DNAH10: variants seen among roughly 807,000 people sequenced by gnomAD.
The protein encoded by DNAH10 is axonemal beta dynein heavy chain 10.
DNAH10 carries 348 observed loss-of-function variants against 506.6 expected under a neutral mutation model. The ratio of observed to expected loss-of-function variants is 0.69; its 90% CI spans 0.63 to 0.75. DNAH10 has a LOEUF of 0.75. DNAH10 is among the 30% of genes least tolerant of loss of function. The probability of loss-of-function intolerance (pLI) is 0.00; values close to 1 mark genes in which losing one functional copy is unlikely to be tolerated. For synonymous variants in DNAH10, 2,059 were observed against 2,198.6 expected (o/e 0.94, Z 1.78); for missense variants, 5,179 against 5,787.1 (o/e 0.89, Z 3.41).
chr12:123,781,403 G>T (rs1957644154), intron 6 of DNAH10, 104 bp downstream of exon 6: 1 of 1,140,860 alleles, frequency 8.8e-7, no homozygotes, highest in Non-Finnish European at 1.2e-6. Context: ...GAACATTTTT[G>T]TTTGTTTGTT....
At chr12:123,855,620 C>T (rs139549075) in intron 36 of DNAH10, among the ~76,000 whole-genome samples, 2,372 of 139,072 alleles carry the variant, frequency 0.017, 67 homozygotes, top group African/African-American at 0.059. Context: ...GGTGACAGAG[C>T]GAGACCCTGT....
Position 123,789,957 on chromosome 12 carries a change from C to A in DNAH10, c.1651C>A (p.Pro551Thr), listed in dbSNP as rs779897384. Residue 551 changes from proline to threonine, a missense_variant, in exon 11 of 79, where the codon CCA (proline) becomes ACA (threonine). Coordinates refer to ENST00000673944, the MANE Select transcript of DNAH10 (RefSeq NM_001372106.1). ...GGAGGAATTTTATAACATATTTGGTCCAGAACTAAAGGCAGTGACGGGGGA... is the reference window on the plus strand; with the variant it reads ...GGAGGAATTTTATAACATATTTGGTACAGAACTAAAGGCAGTGACGGGGGA... ...ILEEFYNIFG[P>T]ELKAVTGDPK... The A allele has an allele frequency of 4.9e-5, 79 of 1,613,554 alleles. No individual in the cohort carries two copies. In the Admixed American group the frequency reaches 1.3e-3, roughly 27 times the overall value.
At chr12:123,895,088 C>T (rs1953158887) in intron 54 of DNAH10, among the ~76,000 whole-genome samples, 1 of 152,228 alleles carries the variant, frequency 6.6e-6, no homozygotes, top group African/African-American at 2.4e-5. Flanking sequence ...TATGCTACAA[C>T]CGCAAAGCTG....
chr12:123,860,434 T>A (rs1033453817), intron 38 of DNAH10, among the ~76,000 whole-genome samples: 11 of 152,260 alleles, frequency 7.2e-5, no homozygotes, highest in African/African-American at 2.7e-4. Flanking sequence ...CATTATGATT[T>A]ACTGATTCGT....
At chr12:123,860,167 A>G (rs1442722177) in intron 38 of DNAH10, among the ~76,000 whole-genome samples, 1 of 152,260 alleles carries the variant, frequency 6.6e-6, no homozygotes, top group Non-Finnish European at 1.5e-5. Flanking sequence ...GGATGCTGAT[A>G]GCCCGGCAAA....
chr12:123,854,318 G>A (rs1278357192), intron 36 of DNAH10, among the ~76,000 whole-genome samples: 2 of 152,160 alleles, frequency 1.3e-5, no homozygotes, highest in African/African-American at 2.4e-5. Flanking sequence ...AAAAACCACC[G>A]ATGCCACTTT....
Position 123,793,986 on chromosome 12 carries a change from G to A in DNAH10, c.1860G>A (p.Lys620=), listed in dbSNP as rs1958182702. The A allele has an allele frequency of 7.8e-7, 1 of 1,274,568 alleles. No individual in the cohort carries two copies. Among genetic ancestry groups the A allele is most frequent in the Non-Finnish European group, 1.0e-6 (1 of 979,902 alleles). 79.0% of individuals were successfully genotyped at this position (1,274,568 alleles called of 1,614,324 possible). A position where few individuals can be genotyped will look rare whatever the true frequency, so the allele number is the denominator to read the frequency against. ...EAKHFIDESF[K]TLRSAEAAFD... The stretch of plus-strand genomic sequence containing the variant: ...AACATTTTATTGATGAATCTTTTAA[G>A]ACGCTTCGATCTGCTGAAGCAGCAT... Residue 620 remains lysine, a synonymous_variant, in exon 12 of 79, where the codon AAG becomes AAA. Coordinates refer to ENST00000673944, the MANE Select transcript of DNAH10 (RefSeq NM_001372106.1).
At position 123,916,840 on chromosome 12, in the gene DNAH10, G is replaced by T; in HGVS notation, c.11002+104G>T. 1.4e-6 allele frequency: 2 copies of T among 1,382,308 alleles called. No homozygotes were observed. The highest frequency in any genetic ancestry group is 2.4e-5 in the East Asian group (1 of 42,262). The allele number at this position is 1,382,308 out of a possible 1,614,324, so 85.6% of individuals were successfully genotyped here. ...GACATCATTTCACTCAGTGACCCCA[G>T]ATCATTCTCTCATAGGCACATCTGG... On this transcript the variant is annotated intron_variant, in intron 63 of 78. Coordinates refer to ENST00000673944, the MANE Select transcript of DNAH10 (RefSeq NM_001372106.1). This position sits in a 1 kb window ranked among gnomAD's most constrained non-coding sequence, Gnocchi z 4.6.
rs1187562955 is a variant in DNAH10 at position 123,871,517 on chromosome 12, A to AGCT, written c.7700_7701insGCT (p.Gln2567_Pro2568insLeu). ...TTGGAACAAATGGTTAAAATTAAGC[A>AGCT]ACCTGTTATTTTTGTTGGTGAATCT... On this transcript the variant is annotated inframe_insertion, in exon 45 of 79. Transcript: ENST00000673944. 2 of 1,562,048 alleles carry AGCT rather than the reference A, an allele frequency of 1.3e-6. No individual in the cohort carries two copies. Among genetic ancestry groups the AGCT allele is most frequent in the South Asian group, 2.4e-5 (2 of 84,762 alleles).
At chr12:123,888,615 T>C (rs1378663216) in intron 52 of DNAH10, among the ~76,000 whole-genome samples, 1 of 152,220 alleles carries the variant, frequency 6.6e-6, no homozygotes, top group Non-Finnish European at 1.5e-5. Context: ...CAGGTTACCC[T>C]GAGACCTTGA....
At chr12:123,929,038 A>C in intron 70 of DNAH10, 1 of 588,978 alleles carries the variant, frequency 1.7e-6, no homozygotes, top group Admixed American at 3.0e-5. Flanking sequence ...TATATATAGT[A>C]AAGGATCTCA....
In DNAH10 at chr12:123,853,098, C is replaced by T; in HGVS notation, c.6292-108C>T. On this transcript the variant is annotated intron_variant, in intron 35 of 78. Coordinates refer to ENST00000673944, the MANE Select transcript of DNAH10 (RefSeq NM_001372106.1). This position sits in a 1 kb window ranked among gnomAD's most constrained non-coding sequence, Gnocchi z 4.7. ...AATTTGCTTATTTGTAGAGCAGCTGCACTGGAACACCTGCCCCCGTTTTCT... is the reference window on the plus strand; with the variant it reads ...AATTTGCTTATTTGTAGAGCAGCTGTACTGGAACACCTGCCCCCGTTTTCT... The T allele has an allele frequency of 8.4e-7, 1 of 1,193,744 alleles. No individual in the cohort carries two copies. 73.9% of individuals were successfully genotyped at this position (1,193,744 alleles called of 1,614,324 possible).
chr12:123,850,812 C>G lies in DNAH10; in HGVS notation c.6103-76C>G. ...GAAAATGAATCGCCACGCAGCTCGC[C>G]GCAGGCCCCCTTTCCAAGGGGCTGG... On this transcript the variant is annotated intron_variant, in intron 34 of 78. Transcript: ENST00000673944. The surrounding 1 kb of genome is among the most constrained non-coding windows in gnomAD (Gnocchi z 5.5). 1 of 1,465,100 alleles carries G rather than the reference C, an allele frequency of 6.8e-7. No individual in the cohort carries two copies. The highest frequency in any genetic ancestry group is 9.2e-7 in the Non-Finnish European group (1 of 1,086,092). 90.8% of individuals were successfully genotyped at this position (1,465,100 alleles called of 1,614,324 possible).
chr12:123,780,942 C>CAAAA (rs376709809), intron 5 of DNAH10, 138 bp from the exon 6 acceptor site: 1,430 of 333,314 alleles, frequency 4.3e-3, no homozygotes, highest in South Asian at 6.8e-3. Flanking sequence ...GACTCTGTCT[C>CAAAA]AAAAAAAAAA....
At chr12:123,881,100 G>C (rs992352888) in intron 50 of DNAH10, among the ~76,000 whole-genome samples, 4 of 152,002 alleles carry the variant, frequency 2.6e-5, no homozygotes, top group African/African-American at 7.3e-5. Context: ...GAGTAGTGCC[G>C]CAATAAACAT....
intron 57 of DNAH10, among the ~76,000 whole-genome samples, chr12:123,905,148 A>G (rs541113152): frequency 2.0e-5 from 3 of 152,324 alleles, no homozygotes; most frequent in Non-Finnish European, 2.9e-5. Context: ...GCTTAGCAGT[A>G]TATTTTGGAG....
At chr12:123,780,080 G>T (rs1957585015) in intron 5 of DNAH10, among the ~76,000 whole-genome samples, 2 of 118,150 alleles carry the variant, frequency 1.7e-5, no homozygotes, top group South Asian at 5.9e-4. Flanking sequence ...GAACAAGATG[G>T]TCCTGAGCTG....
In DNAH10 at chr12:123,925,420, C is replaced by T. The variant is rs1255174522; in HGVS notation, c.11921+216C>T. On this transcript the variant is annotated intron_variant, in intron 68 of 78. Coordinates refer to ENST00000673944, the MANE Select transcript of DNAH10 (RefSeq NM_001372106.1). The surrounding 1 kb of genome is among the most constrained non-coding windows in gnomAD (Gnocchi z 4.0). The stretch of plus-strand genomic sequence containing the variant: ...TCAGTGTGAGCCACATATGCAGTTT[C>T]GAAAGTTCTAGTAGCTACATTAGAA... The T allele has an allele frequency of 1.8e-5, 9 of 494,650 alleles. No homozygotes were observed. Among genetic ancestry groups the T allele is most frequent in the East Asian group, 6.7e-5 (2 of 29,840 alleles). The allele number at this position is 494,650 out of a possible 1,614,324, so 30.6% of individuals were successfully genotyped here. A position where few individuals can be genotyped will look rare whatever the true frequency, so the allele number is the denominator to read the frequency against.
chr12:123,887,480 C>T (rs1256600593), intron 52 of DNAH10, among the ~76,000 whole-genome samples, 167 bp downstream of exon 52: 1 of 152,172 alleles, frequency 6.6e-6, no homozygotes, highest in African/African-American at 2.4e-5. Flanking sequence ...TCTTCCTTGG[C>T]TCCTCCTGTC....
Sources: allele counts gnomAD v4.1 joint callset (sites outside exome capture counted in the v4.1 genomes callset), GRCh38; gene constraint gnomAD v4.1.1; non-coding constraint Gnocchi (gnomAD v3.1); transcripts MANE v1.5; gene names NCBI Gene and HGNC (gene_info 2026-07-23, HGNC 2026-07-21).